Variants in CDH13 observed in about 807,000 individuals in gnomAD.
The protein encoded by CDH13 is cadherin-13.
A neutral mutation model predicts 63.8 loss-of-function variants in CDH13; 24 were observed. The observed-to-expected ratio is 0.38, with a 90% CI of 0.27 to 0.53. The LOEUF (loss-of-function observed/expected upper bound fraction) is 0.53, where lower values mean the gene tolerates loss of function less well. Among genes scored for constraint, CDH13 ranks in the 20% least tolerant of loss-of-function variants. The pLI, the probability that CDH13 is intolerant of heterozygous loss-of-function variation, is 0.85. For synonymous variants in CDH13, 503 were observed against 355.3 expected (o/e 1.42, Z -4.67); for missense variants, 1,049 against 903.1 (o/e 1.16, Z -2.07).
At chr16:83,120,669 A>T (rs58317056) in intron 3 of CDH13, among the ~76,000 whole-genome samples, 19,748 of 150,892 alleles carry the variant, frequency 0.13, 1,397 homozygotes, top group Non-Finnish European at 0.15. Flanking sequence ...TATTTTACGT[A>T]TTTCCTATTT....
chr16:83,289,677 C>T (rs375802490), intron 5 of CDH13, among the ~76,000 whole-genome samples: 20 of 152,230 alleles, frequency 1.3e-4, no homozygotes, highest in East Asian at 9.7e-4. Flanking sequence ...GACAGTCTAG[C>T]TGGACCATTT....
chr16:83,127,511 C>T (rs1486429328), intron 4 of CDH13, among the ~76,000 whole-genome samples: 1 of 152,154 alleles, frequency 6.6e-6, no homozygotes, highest in East Asian at 1.9e-4. Context: ...GGGAGGATCA[C>T]CCGAGGTCAG....
At chr16:83,654,294 G>C (rs1181468911) in intron 8 of CDH13, among the ~76,000 whole-genome samples, 1 of 152,048 alleles carries the variant, frequency 6.6e-6, no homozygotes, top group African/African-American at 2.4e-5. Context: ...CTATAAGCAT[G>C]TCTGGGGGAA....
At chr16:83,386,136 G>A (rs1001366438) in intron 6 of CDH13, among the ~76,000 whole-genome samples, 1 of 152,204 alleles carries the variant, frequency 6.6e-6, no homozygotes, top group Non-Finnish European at 1.5e-5. Flanking sequence ...TCGCTGTTGA[G>A]GAAACATGAG....
chr16:83,309,754 A>G (rs2089960287), intron 5 of CDH13, among the ~76,000 whole-genome samples: 2 of 151,948 alleles, frequency 1.3e-5, no homozygotes, highest in Admixed American at 6.5e-5. Flanking sequence ...TCATGAGGAC[A>G]TGAGCCTCAG....
chr16:83,001,510 C>T (rs549584062), intron 2 of CDH13, among the ~76,000 whole-genome samples: 1 of 152,202 alleles, frequency 6.6e-6, no homozygotes, highest in Non-Finnish European at 1.5e-5. Flanking sequence ...CAGACCGTGT[C>T]CAGGGCCTCA....
In CDH13 at chr16:82,844,083, G is replaced by A. The variant is rs1002319255; in HGVS notation, c.46-14279G>A. Among the ~76,000 whole-genome samples, 9 of 152,164 alleles carry A rather than the reference G, an allele frequency of 5.9e-5. No homozygotes were observed. In the South Asian group the frequency reaches 1.0e-3, roughly 18 times the overall value. On this transcript the variant is annotated intron_variant, in intron 1 of 13. Coordinates refer to ENST00000567109, the MANE Select transcript of CDH13 (RefSeq NM_001257.5). ...TAATAAGTCTACATCCTCATTTTCA[G>A]AATGTGTCAAGGTTACCTGTATGAC...
At chr16:82,780,160 G>A (rs926685862) in intron 1 of CDH13, among the ~76,000 whole-genome samples, 2 of 152,062 alleles carry the variant, frequency 1.3e-5, no homozygotes, top group Admixed American at 6.6e-5. Context: ...AGGAATGGGG[G>A]TGGGGAAAGG....
chr16:83,405,647 G>C (rs777922528), intron 6 of CDH13, among the ~76,000 whole-genome samples: 2 of 152,218 alleles, frequency 1.3e-5, no homozygotes, highest in African/African-American at 4.8e-5. Context: ...GTGATAATCT[G>C]TTACAGCCGT....
intron 6 of CDH13, among the ~76,000 whole-genome samples, chr16:83,368,884 T>TTTTTTA (rs1491400736): frequency 4.2e-5 from 2 of 47,684 alleles, no homozygotes; most frequent in Non-Finnish European, 5.7e-5. Context: ...GTATTCCATG[T>TTTTTTA]TATATATATA....
At chr16:83,048,767 C>G (rs1161628624) in intron 3 of CDH13, among the ~76,000 whole-genome samples, 1 of 152,106 alleles carries the variant, frequency 6.6e-6, no homozygotes, top group African/African-American at 2.4e-5. Flanking sequence ...TCCCCTCACA[C>G]TCTTACATCT....
At chr16:82,732,866 C>G (rs769128898) in intron 1 of CDH13, among the ~76,000 whole-genome samples, 1 of 152,150 alleles carries the variant, frequency 6.6e-6, no homozygotes, top group East Asian at 1.9e-4. Context: ...TCCGGATACC[C>G]ATTACAGAGG....
intron 7 of CDH13, among the ~76,000 whole-genome samples, chr16:83,536,969 C>T (rs972075187): frequency 1.3e-5 from 2 of 152,162 alleles, no homozygotes; most frequent in Admixed American, 1.3e-4. Flanking sequence ...TTCATCTTCT[C>T]AGTAAAGCAG....
chr16:82,893,873 T>A (rs190217318), intron 2 of CDH13, among the ~76,000 whole-genome samples: 1 of 152,196 alleles, frequency 6.6e-6, no homozygotes, highest in African/African-American at 2.4e-5. Context: ...CCTCCTTCCT[T>A]CCACTGGTCC....
chr16:82,806,296 A>G (rs776655191), intron 1 of CDH13, among the ~76,000 whole-genome samples: 1 of 152,144 alleles, frequency 6.6e-6, no homozygotes, highest in Admixed American at 6.5e-5. Flanking sequence ...TCTTCTTTCC[A>G]GCCCAGGGAG....
Position 83,500,330 on chromosome 16 carries a change from C to T in CDH13, c.960+13675C>T, listed in dbSNP as rs1368886327. ...TCTCCTTCTCCTTCTCCTCCTCCTC[C>T]TCCTCCTCCTCCTCCTCCTCCTCCT... On this transcript the variant is annotated intron_variant, in intron 7 of 13. Coordinates refer to ENST00000567109, the MANE Select transcript of CDH13 (RefSeq NM_001257.5). Among the ~76,000 whole-genome samples, 8 of 868 alleles carry T rather than the reference C, an allele frequency of 9.2e-3. 1 individual carries two copies. The highest frequency in any genetic ancestry group is 0.083 in the Non-Finnish European group (2 of 24). The allele number at this position is 868 out of a possible 152,430, so 0.6% of individuals were successfully genotyped here.
At chr16:82,714,079 G>T (rs1488223701) in intron 1 of CDH13, among the ~76,000 whole-genome samples, 2 of 152,096 alleles carry the variant, frequency 1.3e-5, no homozygotes, top group Non-Finnish European at 2.9e-5. Flanking sequence ...AATTACAGGT[G>T]TGAGCCACTG....
chr16:83,675,353 G>C (rs912611290), intron 9 of CDH13, among the ~76,000 whole-genome samples: 1 of 152,158 alleles, frequency 6.6e-6, no homozygotes, highest in African/African-American at 2.4e-5. Flanking sequence ...CATTAGCATG[G>C]CCCTGCTCCC....
intron 5 of CDH13, among the ~76,000 whole-genome samples, chr16:83,255,864 G>T (rs1033863781): frequency 6.6e-6 from 1 of 152,052 alleles, no homozygotes; most frequent in South Asian, 2.1e-4. Context: ...TTCTGAAGAT[G>T]ACATGAGACA....
Sources: gnomAD v4.1 joint callset for allele counts (sites outside exome capture counted in the v4.1 genomes callset) on GRCh38, gnomAD v4.1.1 for gene constraint, MANE v1.5 for transcripts, NCBI Gene and HGNC (gene_info 2026-07-23, HGNC 2026-07-21) for gene names.